VSTM2B: variants seen among roughly 807,000 people sequenced by gnomAD.
VSTM2B encodes V-set and transmembrane domain-containing protein 2B.
In VSTM2B, 24 loss-of-function variants were observed where a neutral mutation model predicts 24.0. The observed-to-expected ratio is 1.00, with a 90% CI of 0.72 to 1.40. The LOEUF is 1.40. VSTM2B is among the 40% of genes most tolerant of loss of function. VSTM2B has a pLI of 0.00. For missense variants in VSTM2B, 399 were observed against 416.4 expected, an observed-to-expected ratio of 0.96 and a Z score of 0.36; for synonymous variants, 226 against 194.4, an observed-to-expected ratio of 1.16 and a Z score of -1.35.
intron 4 of VSTM2B, among the ~76,000 whole-genome samples, chr19:29,563,431 T>C (rs1225009631): frequency 1.3e-5 from 2 of 151,996 alleles, no homozygotes; most frequent in Non-Finnish European, 2.9e-5. Flanking sequence ...TTTGTTGTGA[T>C]GGGGTCTCAC....
chr19:29,546,617 G>T (rs1236224440), intron 4 of VSTM2B, among the ~76,000 whole-genome samples: 1 of 152,236 alleles, frequency 6.6e-6, no homozygotes, highest in African/African-American at 2.4e-5. Context: ...GGCCCCTCAG[G>T]TGAGGAATGG....
intron 4 of VSTM2B, among the ~76,000 whole-genome samples, chr19:29,536,572 T>C (rs954525516): frequency 6.6e-6 from 1 of 152,226 alleles, no homozygotes; most frequent in African/African-American, 2.4e-5. Flanking sequence ...TACTGAGCAC[T>C]TACTGTGTGC....
At chr19:29,557,879 G>T (rs1026994601) in intron 4 of VSTM2B, among the ~76,000 whole-genome samples, 5 of 152,020 alleles carry the variant, frequency 3.3e-5, no homozygotes, top group African/African-American at 1.2e-4. Context: ...GAGCTTCTGT[G>T]CAGCAAAAGA....
chr19:29,531,089 T>G (rs1232238419), intron 4 of VSTM2B, among the ~76,000 whole-genome samples: 1 of 52,858 alleles, frequency 1.9e-5, no homozygotes, highest in East Asian at 5.4e-4. Context: ...TAGGAGCCAT[T>G]GGCAGAGGCA....
At chr19:29,528,581 C>G (rs1429931593) in intron 3 of VSTM2B, 119 bp downstream of exon 3, 1 of 1,260,174 alleles carries the variant, frequency 7.9e-7, no homozygotes, top group South Asian at 1.3e-5. Context: ...AGTAGGGCAG[C>G]GATCGCAGCC....
intron 4 of VSTM2B, among the ~76,000 whole-genome samples, chr19:29,534,689 G>A (rs891616052): frequency 6.7e-5 from 10 of 150,134 alleles, no homozygotes; most frequent in African/African-American, 2.0e-4. Context: ...GCACTCCAGC[G>A]TGGGCAACAA....
intron 4 of VSTM2B, among the ~76,000 whole-genome samples, chr19:29,555,330 A>G (rs10407188): frequency 0.088 from 13,350 of 152,240 alleles, 1,224 homozygotes; most frequent in African/African-American, 0.23. Flanking sequence ...TGAAATTAAG[A>G]CAGAAATCAA....
chr19:29,543,380 C>A (rs1970067944), intron 4 of VSTM2B, among the ~76,000 whole-genome samples: 2 of 152,172 alleles, frequency 1.3e-5, no homozygotes, highest in African/African-American at 4.8e-5. Flanking sequence ...AATATGTTAA[C>A]CTTTTGGTTA....
chr19:29,557,600 G>A (rs1165294464), intron 4 of VSTM2B, among the ~76,000 whole-genome samples: 2 of 151,984 alleles, frequency 1.3e-5, no homozygotes, highest in African/African-American at 2.4e-5. Context: ...TCAGGGCGCT[G>A]AGGCAGGAGA....
intron 4 of VSTM2B, among the ~76,000 whole-genome samples, chr19:29,555,777 C>T (rs1970391549): frequency 6.6e-6 from 1 of 152,106 alleles, no homozygotes; most frequent in Non-Finnish European, 1.5e-5. Context: ...ATACTATAAA[C>T]TCCTCTATGC....
At chr19:29,541,760 G>T (rs1338019355) in intron 4 of VSTM2B, among the ~76,000 whole-genome samples, 1 of 151,562 alleles carries the variant, frequency 6.6e-6, no homozygotes, top group Admixed American at 6.6e-5. Flanking sequence ...GTGGATGGTG[G>T]GAGAATTATT....
At chr19:29,532,179 G>C (rs772171136) in intron 4 of VSTM2B, among the ~76,000 whole-genome samples, 3 of 152,212 alleles carry the variant, frequency 2.0e-5, no homozygotes, top group Middle Eastern at 3.2e-3. Flanking sequence ...AGAAAAGCTG[G>C]TTTAGAAAAA....
chr19:29,553,692 C>T (rs1442824953), intron 4 of VSTM2B, among the ~76,000 whole-genome samples: 5 of 152,080 alleles, frequency 3.3e-5, no homozygotes, highest in Non-Finnish European at 5.9e-5. Context: ...ATTACAGGAG[C>T]TGTTAACCAG....
intron 4 of VSTM2B, among the ~76,000 whole-genome samples, chr19:29,561,876 A>G (rs1227194869): frequency 6.6e-6 from 1 of 152,202 alleles, no homozygotes; most frequent in Admixed American, 6.5e-5. Flanking sequence ...CTTTGCAGTG[A>G]CAAACGCAGG....
intron 4 of VSTM2B, among the ~76,000 whole-genome samples, chr19:29,538,690 C>T (rs952492544): frequency 4.6e-5 from 7 of 152,160 alleles, no homozygotes; most frequent in Non-Finnish European, 8.8e-5. Context: ...GGAGCTTTAA[C>T]TCAAGGCAGG....
In VSTM2B at chr19:29,529,859, G is replaced by A. The variant is rs1281610158; in HGVS notation, c.338G>A (p.Arg113Gln). The change falls in exon 4 of 5, where the codon CGG (arginine) becomes CAG (glutamine). Residue 113 changes from arginine to glutamine, a missense_variant. Transcript: ENST00000335523. ...GGCAATGACATCTCACACCGGCTTC[G>A]GCTGTCTGCCGTGCGGCTGCAGGAC... ...VQGNDISHRL[R>Q]LSAVRLQDEG... The A allele has an allele frequency of 2.6e-6, 4 of 1,550,104 alleles. No individual in the cohort carries two copies. In the South Asian group the frequency reaches 4.8e-5, roughly 18 times the overall value.
chr19:29,545,658 G>A (rs1329561160), intron 4 of VSTM2B, among the ~76,000 whole-genome samples: 1 of 152,098 alleles, frequency 6.6e-6, no homozygotes, highest in Non-Finnish European at 1.5e-5. Flanking sequence ...AAAGGACATG[G>A]TTTGGTTCTT....
chr19:29,526,848 C>T lies in VSTM2B; in HGVS notation c.82+183C>T. On this transcript the variant is annotated intron_variant, in intron 1 of 4. Transcript: ENST00000335523. This position sits in a 1 kb window ranked among gnomAD's most constrained non-coding sequence, Gnocchi z 4.1. ...CGAAGGGTCGCCGCAGCAGCAGCGC[C>T]GCGCCCGAGTCGTTCCCAGTCCCGC... is the stretch of plus-strand genomic sequence containing the variant. The T allele has an allele frequency of 1.8e-6, 1 of 551,432 alleles. No homozygotes were observed. The allele number at this position is 551,432 out of a possible 1,614,324, so 34.2% of individuals were successfully genotyped here.
intron 4 of VSTM2B, among the ~76,000 whole-genome samples, chr19:29,553,075 TC>T (rs199535730): frequency 9.2e-5 from 14 of 151,706 alleles, no homozygotes; most frequent in African/African-American, 3.1e-4. Context: ...ACAAGTGAGA[TC>T]CCCCCCAGCA....
Sources: gnomAD v4.1 joint callset for allele counts (sites outside exome capture counted in the v4.1 genomes callset) on GRCh38, gnomAD v4.1.1 for gene constraint, Gnocchi (gnomAD v3.1) non-coding constraint, MANE v1.5 for transcripts, NCBI Gene and HGNC (gene_info 2026-07-23, HGNC 2026-07-21) for gene names.